The following SFMBT2 variants were observed in gnomAD, a reference collection of about 807,000 sequenced individuals.
SFMBT2 encodes scm-like with four MBT domains protein 2.
A neutral mutation model predicts 110.1 loss-of-function variants in SFMBT2; 38 were observed. That is an observed-to-expected ratio of 0.35 (90% confidence interval 0.27 to 0.45). SFMBT2 has a LOEUF of 0.45. Ranked by LOEUF, SFMBT2 falls within the 20% of genes least tolerant of loss-of-function variation. The pLI, the probability that SFMBT2 is intolerant of heterozygous loss-of-function variation, is 1.00. For synonymous variants in SFMBT2, 425 were observed against 425.4 expected, an observed-to-expected ratio of 1.00 and a Z score of 0.01; for missense variants, 1,011 against 1,094.9, an observed-to-expected ratio of 0.92 and a Z score of 1.08.
intron 11 of SFMBT2, chr10:7,206,919 A>G (rs776502314): frequency 9.2e-5 from 91 of 985,304 alleles, no homozygotes; most frequent in Non-Finnish European, 1.1e-4. Context: ...TTCCTCATTG[A>G]GAACCAAGAT....
chr10:7,332,386 T>C (rs1316593104), intron 4 of SFMBT2, among the ~76,000 whole-genome samples: 1 of 152,198 alleles, frequency 6.6e-6, no homozygotes, highest in African/African-American at 2.4e-5. Flanking sequence ...TGCAAAAGGG[T>C]GCTATTCATC....
intron 1 of SFMBT2, among the ~76,000 whole-genome samples, chr10:7,403,352 G>A (rs1243725118): frequency 1.3e-5 from 2 of 152,194 alleles, no homozygotes; most frequent in African/African-American, 4.8e-5. Context: ...GGTTTAAAGT[G>A]CTAGGCAAGA....
At position 7,215,023 on chromosome 10, in the gene SFMBT2, A is replaced by T. The variant is rs577368479; in HGVS notation, c.1330+5388T>A. 3.9e-5 allele frequency among the ~76,000 whole-genome samples: 6 copies of T among 152,360 alleles called. No individual in the cohort carries two copies. In the South Asian group the frequency reaches 1.2e-3, roughly 32 times the overall value. On this transcript the variant is annotated intron_variant, in intron 11 of 20. Transcript: ENST00000397167. ...CATTTCTGCCTCAACTAAAAGGCTA[A>T]AATACTCAGCACTGGGGAAGAGAGA...
chr10:7,285,797 C>T, intron 5 of SFMBT2, 69 bp downstream of exon 5: 1 of 807,134 alleles, frequency 1.2e-6, no homozygotes, highest in Admixed American at 1.7e-5. Flanking sequence ...TGCAAAGGTG[C>T]TGTCAGGTCT....
chr10:7,198,165 G>A (rs1423712723), intron 14 of SFMBT2: 1 of 984,342 alleles, frequency 1.0e-6, no homozygotes, highest in Non-Finnish European at 1.2e-6. Context: ...ATTATTTCCT[G>A]CAAGATATTG....
At chr10:7,305,980 A>G (rs1842683024) in intron 4 of SFMBT2, among the ~76,000 whole-genome samples, 1 of 152,270 alleles carries the variant, frequency 6.6e-6, no homozygotes, top group South Asian at 2.1e-4. Flanking sequence ...AGTGTTACAC[A>G]TATTTGATAT....
intron 16 of SFMBT2, among the ~76,000 whole-genome samples, chr10:7,182,867 A>T (rs1303447047): frequency 6.7e-6 from 1 of 148,918 alleles, no homozygotes. Flanking sequence ...AAAGTATAAT[A>T]AAAAAAAAAG....
chr10:7,299,040 A>G (rs1342554776), intron 4 of SFMBT2, among the ~76,000 whole-genome samples: 1 of 152,190 alleles, frequency 6.6e-6, no homozygotes, highest in Non-Finnish European at 1.5e-5. Flanking sequence ...GCGAAACCCC[A>G]TCTCTACTAC....
chr10:7,391,200 G>A (rs773726383), intron 1 of SFMBT2, among the ~76,000 whole-genome samples: 5 of 151,924 alleles, frequency 3.3e-5, no homozygotes, highest in Non-Finnish European at 5.9e-5. Flanking sequence ...GGGCGTGGTG[G>A]CTCACGCCTG....
At chr10:7,332,577 C>T (rs11255082) in intron 4 of SFMBT2, among the ~76,000 whole-genome samples, 2 of 152,160 alleles carry the variant, frequency 1.3e-5, no homozygotes, top group African/African-American at 4.8e-5. Flanking sequence ...CACTTCCTCC[C>T]CGACCCAGCT....
At chr10:7,213,132 G>A (rs113064114) in intron 11 of SFMBT2, among the ~76,000 whole-genome samples, 2,531 of 152,160 alleles carry the variant, frequency 0.017, 29 homozygotes, top group Non-Finnish European at 0.023. Flanking sequence ...TAATACATGC[G>A]GGGCTTCAAA....
At chr10:7,319,691 A>G (rs1377131653) in intron 4 of SFMBT2, among the ~76,000 whole-genome samples, 2 of 152,008 alleles carry the variant, frequency 1.3e-5, no homozygotes, top group East Asian at 3.9e-4. Context: ...AAAGACTGAG[A>G]GACTGAGAGA....
intron 10 of SFMBT2, among the ~76,000 whole-genome samples, chr10:7,223,010 C>T (rs544050757): frequency 2.0e-5 from 3 of 152,178 alleles, no homozygotes; most frequent in African/African-American, 7.2e-5. Flanking sequence ...ATCCATAGGA[C>T]CTCATTTTAT....
intron 9 of SFMBT2, among the ~76,000 whole-genome samples, chr10:7,232,503 AT>A (rs1840133282): frequency 6.6e-6 from 1 of 152,222 alleles, no homozygotes; most frequent in African/African-American, 2.4e-5. Context: ...AGTCTGTAGA[AT>A]GCCACACAGG....
In SFMBT2 at chr10:7,338,141, T is replaced by G. The variant is rs568201810; in HGVS notation, c.436+29508A>C. On this transcript the variant is annotated intron_variant, in intron 4 of 20. Coordinates refer to ENST00000397167, the MANE Select transcript of SFMBT2 (RefSeq NM_001387889.1). The stretch of plus-strand genomic sequence containing the variant: ...GCTAAGGGGAAAAATAACAATAAGT[T>G]GCCTTGTCCTGCTCTGGGCTAACCA... 2.6e-5 allele frequency among the ~76,000 whole-genome samples: 4 copies of G among 152,312 alleles called. No homozygotes were observed. In the East Asian group the frequency reaches 7.7e-4, roughly 29 times the overall value.
chr10:7,213,438 T>A (rs1232169975), intron 11 of SFMBT2, among the ~76,000 whole-genome samples: 3 of 150,942 alleles, frequency 2.0e-5, no homozygotes, highest in South Asian at 2.1e-4. Context: ...CAGGCGGAGG[T>A]CCGGACTGAA....
At chr10:7,268,801 G>A (rs929772247) in intron 7 of SFMBT2, among the ~76,000 whole-genome samples, 9 of 152,152 alleles carry the variant, frequency 5.9e-5, no homozygotes, top group African/African-American at 1.9e-4. Context: ...ATAAGCCACC[G>A]CACCTGGCCT....
intron 7 of SFMBT2, among the ~76,000 whole-genome samples, chr10:7,268,015 G>GT (rs1208073313): frequency 6.6e-6 from 1 of 152,204 alleles, no homozygotes; most frequent in Non-Finnish European, 1.5e-5. Flanking sequence ...GGACAAATGA[G>GT]TTGTCAGTGA....
chr10:7,351,869 G>GT (rs1357571413), intron 4 of SFMBT2, among the ~76,000 whole-genome samples: 1 of 139,942 alleles, frequency 7.1e-6, no homozygotes, highest in African/African-American at 3.0e-5. Flanking sequence ...CCTCTTACCT[G>GT]TAAAAAAAAA....
Sources: gnomAD v4.1 joint callset for allele counts (sites outside exome capture counted in the v4.1 genomes callset) on GRCh38, gnomAD v4.1.1 for gene constraint, MANE v1.5 for transcripts, NCBI Gene and HGNC (gene_info 2026-07-23, HGNC 2026-07-21) for gene names.